Variants in MINK1 observed in about 807,000 individuals in gnomAD.
The protein encoded by MINK1 is misshapen-like kinase 1.
Under a neutral mutation model 178.4 loss-of-function variants are expected in MINK1, and 46 were observed. That is an observed-to-expected ratio of 0.26 (90% CI 0.20 to 0.33). The LOEUF (loss-of-function observed/expected upper bound fraction) is 0.33, where lower values mean the gene tolerates loss of function less well. MINK1 is among the 10% of genes least tolerant of loss of function. MINK1 has a pLI of 1.00. For synonymous variants in MINK1, 797 were observed against 709.7 expected (o/e 1.12, Z -1.96); for missense variants, 1,366 against 1,814.9 (o/e 0.75, Z 4.49).
rs1258250528 is a variant in MINK1 at position 4,885,982 on chromosome 17, C to T, written c.694+17C>T. The T allele has an allele frequency of 1.9e-6, 3 of 1,613,418 alleles. No homozygotes were observed. Among genetic ancestry groups the T allele is most frequent in the South Asian group, 1.1e-5 (1 of 90,992 alleles). ...GAGCCCCCCGTAAGTTCTGAGTCTG[C>T]CGGGAGTGGGAGGGGAGGGAAAGGA... On this transcript the variant is annotated intron_variant, in intron 8 of 31. Coordinates refer to ENST00000355280, the MANE Select transcript of MINK1 (RefSeq NM_153827.5). This position sits in a 1 kb window ranked among gnomAD's most constrained non-coding sequence, Gnocchi z 5.0.
rs1319098890 is a variant in MINK1 at position 4,892,291 on chromosome 17, G to T, written c.2087+57G>T. ...GGTCTGAGGGCAGCCTAGGGAGTAG[G>T]GGGGGCACAGGGACTTTACCAGCCT... is the stretch of plus-strand genomic sequence containing the variant. On this transcript the variant is annotated intron_variant, in intron 17 of 31. Transcript: ENST00000355280. The T allele has an allele frequency of 1.3e-5, 19 of 1,509,430 alleles. No homozygotes were observed. In the Middle Eastern group the frequency reaches 2.2e-3, roughly 175 times the overall value. 93.5% of individuals were successfully genotyped at this position (1,509,430 alleles called of 1,614,324 possible). A position where few individuals can be genotyped will look rare whatever the true frequency, so the allele number is the denominator to read the frequency against.
At chr17:4,878,437 G>A in intron 2 of MINK1, 55 bp downstream of exon 2, 1 of 1,461,294 alleles carries the variant, frequency 6.8e-7, no homozygotes. Flanking sequence ...AGTCTTGGGA[G>A]GAGTGGAAGG....
At chr17:4,890,848 A>G (rs71368524) in intron 14 of MINK1, 103 bp from the exon 15 acceptor site, 55,251 of 1,521,578 alleles carry the variant, frequency 0.036, 1,148 homozygotes, top group South Asian at 0.046. Flanking sequence ...AAAGGAGCAC[A>G]CAGCACAGAG....
chr17:4,892,076 A>G (rs1968879050), intron 16 of MINK1, 73 bp from the exon 17 acceptor site: 5 of 1,287,938 alleles, frequency 3.9e-6, no homozygotes, highest in Non-Finnish European at 5.5e-6. Context: ...CTCACCTCTC[A>G]GAGGTGAGGC....
chr17:4,862,484 G>A (rs1479912226), intron 1 of MINK1, among the ~76,000 whole-genome samples: 2 of 151,958 alleles, frequency 1.3e-5, no homozygotes, highest in African/African-American at 4.8e-5. Context: ...GCGAAACCCC[G>A]TCTCTACTAA....
In MINK1 at chr17:4,897,400, T is replaced by G. The variant is rs1402914064; in HGVS notation, c.*113T>G. The G allele has an allele frequency of 1.7e-5, 16 of 942,514 alleles. No individual in the cohort carries two copies. Among genetic ancestry groups the G allele is most frequent in the Non-Finnish European group, 2.3e-5 (14 of 613,624 alleles). The allele number at this position is 942,514 out of a possible 1,614,324, so 58.4% of individuals were successfully genotyped here. A position where few individuals can be genotyped will look rare whatever the true frequency, so the allele number is the denominator to read the frequency against. ...GGGCTTTTGCTTTTACTGGTTTGATTTCACTGGAGCCTGCTGGGAACGTGA... is the reference window on the plus strand; with the variant it reads ...GGGCTTTTGCTTTTACTGGTTTGATGTCACTGGAGCCTGCTGGGAACGTGA... On this transcript the variant is annotated 3_prime_UTR_variant, in exon 32 of 32. Transcript: ENST00000355280.
In MINK1 at chr17:4,881,028, G is replaced by A; in HGVS notation, c.168G>A (p.Met56Ile). The change falls in exon 3 of 32, where the codon ATG (methionine) becomes ATA (isoleucine). Residue 56 changes from methionine (M) to isoleucine (I), a missense_variant. Around this residue, in one of 14 missense-constraint regions of MINK1, gnomAD observed 109 missense variants for 369.4 expected, o/e 0.30. Transcript: ENST00000355280. ...GGCAGCTGGCTGCCATCAAGGTCATGGATGTCACGGAGGTAGGGAGTGGAG... is the reference window on the plus strand; with the variant it reads ...GGCAGCTGGCTGCCATCAAGGTCATAGATGTCACGGAGGTAGGGAGTGGAG... ...KTGQLAAIKV[M>I]DVTEDEEEEI... 6.5e-7 allele frequency: 1 copy of A among 1,531,344 alleles called. No homozygotes were observed. The highest frequency in any genetic ancestry group is 8.7e-7 in the Non-Finnish European group (1 of 1,143,700). 94.9% of individuals were successfully genotyped at this position (1,531,344 alleles called of 1,614,324 possible). A position where few individuals can be genotyped will look rare whatever the true frequency, so the allele number is the denominator to read the frequency against.
At chr17:4,849,571 G>A (rs879788774) in intron 1 of MINK1, among the ~76,000 whole-genome samples, 11 of 152,030 alleles carry the variant, frequency 7.2e-5, no homozygotes, top group East Asian at 1.9e-4. Context: ...TGGTCTCAGC[G>A]TGTTTTGTTT....
intron 21 of MINK1, 191 bp from the exon 22 acceptor site, chr17:4,893,797 C>T (rs1317341310): frequency 7.5e-6 from 7 of 928,778 alleles, no homozygotes; most frequent in Non-Finnish European, 1.1e-5. Context: ...GCCTGTCTGC[C>T]CCTGTGCCAG....
Position 4,887,843 on chromosome 17 carries a change from C to G in MINK1, c.1230+53C>G, listed in dbSNP as rs1205293744. On this transcript the variant is annotated intron_variant, in intron 12 of 31. Transcript: ENST00000355280. The surrounding 1 kb of genome is among the most constrained non-coding windows in gnomAD (Gnocchi z 7.6). ...TGGCGCGGCCTCCTCCTGACCTGCC[C>G]CGGGTCCATTAGGGCCTTGGAGAAC... is the stretch of plus-strand genomic sequence containing the variant. The G allele has an allele frequency of 5.0e-6, 7 of 1,393,458 alleles. No homozygotes were observed. The highest frequency in any genetic ancestry group is 6.6e-6 in the Non-Finnish European group (7 of 1,061,820). 86.3% of individuals were successfully genotyped at this position (1,393,458 alleles called of 1,614,324 possible).
chr17:4,896,863 C>T lies in MINK1; in HGVS notation c.3915+50C>T. On this transcript the variant is annotated intron_variant, in intron 31 of 31. Transcript: ENST00000355280. The surrounding 1 kb of genome is among the most constrained non-coding windows in gnomAD (Gnocchi z 4.6). ...GCCCTGCTGTCCCGGCTGCCATGAC[C>T]CTAGGCCCCTGGGCAGAGTTCTGGG... 1 of 1,518,546 alleles carries T rather than the reference C, an allele frequency of 6.6e-7. No individual in the cohort carries two copies. The allele number at this position is 1,518,546 out of a possible 1,614,324, so 94.1% of individuals were successfully genotyped here.
intron 1 of MINK1, among the ~76,000 whole-genome samples, chr17:4,838,538 T>G (rs533563346): frequency 6.6e-6 from 1 of 152,282 alleles, no homozygotes; most frequent in African/African-American, 2.4e-5. Context: ...CACACACAAC[T>G]TGCACATGTA....
chr17:4,848,986 C>T (rs1406440596), intron 1 of MINK1, among the ~76,000 whole-genome samples: 59 of 152,128 alleles, frequency 3.9e-4, no homozygotes, highest in Admixed American at 3.9e-3. Context: ...GGTTCTTTAA[C>T]ATTCCTCTCC....
At chr17:4,841,162 G>GTATGTACACGTA (rs2150746997) in intron 1 of MINK1, among the ~76,000 whole-genome samples, 1 of 152,312 alleles carries the variant, frequency 6.6e-6, no homozygotes, top group South Asian at 2.1e-4. Flanking sequence ...CTGTGACTCA[G>GTATGTACACGTA]TATGTACACG....
chr17:4,874,624 G>A (rs983075623), intron 1 of MINK1, among the ~76,000 whole-genome samples: 4 of 152,056 alleles, frequency 2.6e-5, no homozygotes, highest in Non-Finnish European at 2.9e-5. Flanking sequence ...AGGAAAGGGA[G>A]GAGGAGGAGG....
chr17:4,877,204 A>G (rs949794044), intron 1 of MINK1, among the ~76,000 whole-genome samples: 4 of 152,034 alleles, frequency 2.6e-5, no homozygotes, highest in African/African-American at 4.8e-5. Context: ...CTCTCAAAAA[A>G]AAAAGGTTCT....
At chr17:4,842,331 T>TC (rs766748784) in intron 1 of MINK1, among the ~76,000 whole-genome samples, 1 of 152,082 alleles carries the variant, frequency 6.6e-6, no homozygotes, top group Non-Finnish European at 1.5e-5. Context: ...GAACTGTTTT[T>TC]CCACCCGTAT....
At chr17:4,847,603 A>G (rs1211993985) in intron 1 of MINK1, among the ~76,000 whole-genome samples, 1 of 152,206 alleles carries the variant, frequency 6.6e-6, no homozygotes, top group Non-Finnish European at 1.5e-5. Flanking sequence ...AATATGCTTT[A>G]TTTGTTCTCA....
chr17:4,888,141 G>A (rs1339692478), intron 12 of MINK1, among the ~76,000 whole-genome samples: 16 of 151,854 alleles, frequency 1.1e-4, no homozygotes, highest in East Asian at 3.9e-4. Context: ...GCTTGAACCC[G>A]GGAGGCGGAG....
Sources: allele counts gnomAD v4.1 joint callset (sites outside exome capture counted in the v4.1 genomes callset), GRCh38; gene constraint gnomAD v4.1.1; regional missense constraint gnomAD v4.1.1; non-coding constraint Gnocchi (gnomAD v3.1); transcripts MANE v1.5; gene names NCBI Gene and HGNC (gene_info 2026-07-23, HGNC 2026-07-21).